Variants in UNC5B observed in about 807,000 individuals in gnomAD.
UNC5B encodes the protein unc-5 netrin receptor B, also known as netrin receptor UNC5B.
Under a neutral mutation model 103.7 loss-of-function variants are expected in UNC5B, and 56 were observed. That is an observed-to-expected ratio of 0.54 (90% CI 0.44 to 0.67). The LOEUF is 0.67. UNC5B is among the 30% of genes least tolerant of loss of function. The pLI, the probability that UNC5B is intolerant of heterozygous loss-of-function variation, is 0.00. For synonymous variants in UNC5B, 577 were observed against 542.0 expected (o/e 1.06, Z -0.90); for missense variants, 1,194 against 1,284.5 (o/e 0.93, Z 1.08).
intron 1 of UNC5B, among the ~76,000 whole-genome samples, chr10:71,251,178 G>C (rs571944613): frequency 3.9e-5 from 6 of 152,240 alleles, no homozygotes; most frequent in African/African-American, 1.2e-4. Context: ...AGGTTACCCC[G>C]CTGCTTGCTT....
Position 71,212,628 on chromosome 10 carries a change from C to G in UNC5B, c.-358C>G, listed in dbSNP as rs971377394. 6 of 178,586 alleles carry G rather than the reference C, an allele frequency of 3.4e-5. No individual in the cohort carries two copies. The highest frequency in any genetic ancestry group is 1.2e-5 in the Non-Finnish European group (1 of 85,938). 11.1% of individuals were successfully genotyped at this position (178,586 alleles called of 1,614,324 possible). Reference sequence around the variant, plus strand: ...CGGAGCCGCACGCAGCCGCGGGGCTCCGAGAGGCGCGCACTGGGGCTGGGA... The same window carrying G: ...CGGAGCCGCACGCAGCCGCGGGGCTGCGAGAGGCGCGCACTGGGGCTGGGA... On this transcript the variant is annotated 5_prime_UTR_variant, in exon 1 of 17. Transcript: ENST00000335350.
At chr10:71,229,911 C>T (rs1188173164) in intron 1 of UNC5B, among the ~76,000 whole-genome samples, 1 of 152,158 alleles carries the variant, frequency 6.6e-6, no homozygotes, top group East Asian at 1.9e-4. Context: ...CTGTTGCTCC[C>T]AGGCACAGAG....
chr10:71,263,048 C>A (rs909233728), intron 1 of UNC5B, among the ~76,000 whole-genome samples: 1 of 152,122 alleles, frequency 6.6e-6, no homozygotes, highest in African/African-American at 2.4e-5. Flanking sequence ...TAAGGTGATA[C>A]CTGGAGAAGG....
In UNC5B at chr10:71,212,952, T is replaced by C; in HGVS notation, c.-34T>C. On this transcript the variant is annotated 5_prime_UTR_variant, in exon 1 of 17. Transcript: ENST00000335350. Reference sequence around the variant, plus strand: ...GAGACTGGGGCCAGGGAGACAGCCCTGGGGGAGAGGCGCCCGAACCAGGCC... The same window carrying C: ...GAGACTGGGGCCAGGGAGACAGCCCCGGGGGAGAGGCGCCCGAACCAGGCC... 6 of 1,310,880 alleles carry C rather than the reference T, an allele frequency of 4.6e-6. No homozygotes were observed. The highest frequency in any genetic ancestry group is 5.8e-6 in the Non-Finnish European group (6 of 1,028,410). 81.2% of individuals were successfully genotyped at this position (1,310,880 alleles called of 1,614,324 possible).
intron 1 of UNC5B, among the ~76,000 whole-genome samples, chr10:71,237,659 T>C (rs1034645628): frequency 8.5e-5 from 13 of 152,150 alleles, no homozygotes; most frequent in Admixed American, 8.5e-4. Flanking sequence ...GTGAAGGAGG[T>C]GCGGTGAAGT....
chr10:71,298,185 C>T, intron 16 of UNC5B, 95 bp downstream of exon 16: 2 of 1,413,276 alleles, frequency 1.4e-6, no homozygotes, highest in Non-Finnish European at 1.9e-6. Flanking sequence ...CCACGACCAT[C>T]TCCCAGACCA....
intron 1 of UNC5B, among the ~76,000 whole-genome samples, chr10:71,223,629 G>A (rs1458808522): frequency 6.6e-6 from 1 of 152,172 alleles, no homozygotes; most frequent in Admixed American, 6.5e-5. Flanking sequence ...AGAGAAAGTA[G>A]ACTGGCAGAC....
intron 1 of UNC5B, among the ~76,000 whole-genome samples, chr10:71,278,337 T>A (rs1395122345): frequency 6.6e-6 from 1 of 152,146 alleles, no homozygotes; most frequent in Non-Finnish European, 1.5e-5. Flanking sequence ...CGGGGTAAGG[T>A]TGTCCACCTC....
At chr10:71,251,071 G>T (rs1311763471) in intron 1 of UNC5B, among the ~76,000 whole-genome samples, 2 of 152,186 alleles carry the variant, frequency 1.3e-5, no homozygotes, top group Non-Finnish European at 2.9e-5. Context: ...GCTCAGCCAT[G>T]GTAGTAGTTG....
intron 1 of UNC5B, among the ~76,000 whole-genome samples, chr10:71,255,158 G>C (rs1428786111): frequency 6.6e-6 from 1 of 152,080 alleles, no homozygotes; most frequent in Admixed American, 6.5e-5. Context: ...CCCACAGTGG[G>C]GATATACTTT....
intron 1 of UNC5B, among the ~76,000 whole-genome samples, chr10:71,264,486 T>C (rs1844481317): frequency 6.6e-6 from 1 of 152,186 alleles, no homozygotes; most frequent in Non-Finnish European, 1.5e-5. Flanking sequence ...ACACAGCAGG[T>C]CCTGATTCCG....
chr10:71,282,857 C>T (rs1161695714), intron 2 of UNC5B, among the ~76,000 whole-genome samples: 1 of 151,834 alleles, frequency 6.6e-6, no homozygotes, highest in South Asian at 2.1e-4. Context: ...TGGCTCATGC[C>T]TGTAATCCCA....
At chr10:71,289,644 T>TG (rs1564511612) in intron 8 of UNC5B, among the ~76,000 whole-genome samples, 1 of 152,222 alleles carries the variant, frequency 6.6e-6, no homozygotes, top group East Asian at 1.9e-4. Context: ...CCGAGCTCAC[T>TG]GGGGGTCGGG....
At chr10:71,262,739 A>G (rs1237128555) in intron 1 of UNC5B, among the ~76,000 whole-genome samples, 1 of 151,854 alleles carries the variant, frequency 6.6e-6, no homozygotes, top group Non-Finnish European at 1.5e-5. Flanking sequence ...CCCTCTAGTC[A>G]CCCCAGTCAC....
intron 8 of UNC5B, 47 bp from the exon 9 acceptor site, chr10:71,290,868 A>G (rs1171272490): frequency 3.2e-6 from 5 of 1,561,712 alleles, no homozygotes; most frequent in Admixed American, 1.7e-5. Flanking sequence ...TGATTGCCCC[A>G]GGGCCTGGTC....
intron 1 of UNC5B, among the ~76,000 whole-genome samples, chr10:71,237,682 C>G (rs780068682): frequency 6.6e-6 from 1 of 152,204 alleles, no homozygotes; most frequent in Non-Finnish European, 1.5e-5. Context: ...GTATTGGAAG[C>G]CTCCTGCCTC....
intron 1 of UNC5B, among the ~76,000 whole-genome samples, chr10:71,248,447 G>A (rs1170883347): frequency 6.6e-6 from 1 of 152,138 alleles, no homozygotes; most frequent in Admixed American, 6.5e-5. Flanking sequence ...CCCTGAGTTG[G>A]CACTTTTCTC....
chr10:71,275,229 A>G (rs1844741347), intron 1 of UNC5B, among the ~76,000 whole-genome samples: 1 of 152,204 alleles, frequency 6.6e-6, no homozygotes, highest in Admixed American at 6.5e-5. Flanking sequence ...CACTTTTGCA[A>G]TTTAGGCCCA....
At chr10:71,215,822 T>C (rs1843318659) in intron 1 of UNC5B, among the ~76,000 whole-genome samples, 1 of 148,746 alleles carries the variant, frequency 6.7e-6, no homozygotes, top group Admixed American at 6.6e-5. Flanking sequence ...TGTGTGTGTG[T>C]GTGTGTGTGT....
Sources: gnomAD v4.1 joint callset for allele counts (sites outside exome capture counted in the v4.1 genomes callset) on GRCh38, gnomAD v4.1.1 for gene constraint, MANE v1.5 for transcripts, NCBI Gene and HGNC (gene_info 2026-07-23, HGNC 2026-07-21) for gene names.